Variants in CCL25 observed in about 807,000 individuals in gnomAD.
CCL25 encodes C-C motif chemokine ligand 25, also known as C-C motif chemokine 25.
A neutral mutation model predicts 19.9 loss-of-function variants in CCL25; 14 were observed. The observed-to-expected ratio is 0.70, with a 90% confidence interval of 0.47 to 1.10. The LOEUF (loss-of-function observed/expected upper bound fraction) is 1.10, where lower values mean the gene tolerates loss of function less well. Among genes scored for constraint, CCL25 ranks in the 50% least tolerant of loss-of-function variants. CCL25 has a pLI of 0.00. For missense variants in CCL25, 151 were observed against 181.2 expected, an observed-to-expected ratio of 0.83 and a Z score of 0.96; for synonymous variants, 68 against 73.2, an observed-to-expected ratio of 0.93 and a Z score of 0.36.
At chr19:8,060,642 C>A (rs2081311154) in intron 5 of CCL25, among the ~76,000 whole-genome samples, 1 of 151,682 alleles carries the variant, frequency 6.6e-6, no homozygotes, top group African/African-American at 2.4e-5. Flanking sequence ...CTCAGCCTCC[C>A]GAGTAGCTGG....
In CCL25 at chr19:8,052,790, C is replaced by T. The variant is rs562319848; in HGVS notation, c.-83C>T. The T allele has an allele frequency of 2.9e-5, 13 of 441,912 alleles. No homozygotes were observed. The highest frequency in any genetic ancestry group is 1.4e-4 in the East Asian group (4 of 28,832). The allele number at this position is 441,912 out of a possible 1,614,324, so 27.4% of individuals were successfully genotyped here. Reference sequence around the variant, plus strand: ...TGGGACAGCTTGGCCTACAGCCCGGCGGGCATCAGCTCCCTTGACCCAGTG... The same window carrying T: ...TGGGACAGCTTGGCCTACAGCCCGGTGGGCATCAGCTCCCTTGACCCAGTG... On this transcript the variant is annotated 5_prime_UTR_variant, in exon 1 of 6. Coordinates refer to ENST00000315626, the MANE Select transcript of CCL25 (RefSeq NM_005624.4).
chr19:8,055,087 A>G (rs963677556), intron 2 of CCL25, among the ~76,000 whole-genome samples: 10 of 151,188 alleles, frequency 6.6e-5, no homozygotes, highest in Admixed American at 2.0e-4. Flanking sequence ...TCAAGAGATC[A>G]AGACCATCCT....
intron 5 of CCL25, among the ~76,000 whole-genome samples, chr19:8,058,411 T>TATATATAATATATAAGTAA (rs1394755727): frequency 1.2e-5 from 1 of 82,124 alleles, no homozygotes. Context: ...AATATATAAA[T>TATATATAATATATAAGTAA]ATATATAATA....
At chr19:8,058,592 TATAA>T (rs2081292110) in intron 5 of CCL25, among the ~76,000 whole-genome samples, 1 of 129,056 alleles carries the variant, frequency 7.7e-6, no homozygotes, top group African/African-American at 2.9e-5. Flanking sequence ...ATATATAATA[TATAA>T]ATAATATATA....
chr19:8,054,338 C>G (rs1161882756), intron 2 of CCL25, among the ~76,000 whole-genome samples: 2 of 152,228 alleles, frequency 1.3e-5, no homozygotes, highest in Non-Finnish European at 2.9e-5. Flanking sequence ...GCCCTTCGAT[C>G]CTGGCCTCCA....
chr19:8,056,652 A>C lies in CCL25; in HGVS notation c.325+153A>C, dbSNP rs531636208. Among the ~76,000 whole-genome samples the C allele has an allele frequency of 1.5e-4, 23 of 152,362 alleles. No homozygotes were observed. In the East Asian group the frequency reaches 3.5e-3, roughly 23 times the overall value. ...GCCAGTTGCTGGTGAGTGGGGCACC[A>C]AGTGAATGACCAACTGATTGAGTCA... On this transcript the variant is annotated intron_variant, in intron 4 of 5. Transcript: ENST00000315626.
At chr19:8,052,871 G>C (rs2081241816) in intron 1 of CCL25, 49 bp downstream of exon 1, 1 of 537,686 alleles carries the variant, frequency 1.9e-6, no homozygotes, top group African/African-American at 1.9e-5. Context: ...TTTCCCTCCA[G>C]CACAACTTGT....
intron 4 of CCL25, 96 bp from the exon 5 acceptor site, chr19:8,057,705 C>T: frequency 6.8e-7 from 1 of 1,461,440 alleles, no homozygotes; most frequent in African/African-American, 1.4e-5. Context: ...GACTCATTGG[C>T]TTAAATAACC....
intron 2 of CCL25, among the ~76,000 whole-genome samples, chr19:8,054,277 G>C (rs977979112): frequency 6.6e-6 from 1 of 152,232 alleles, no homozygotes; most frequent in African/African-American, 2.4e-5. Flanking sequence ...GCCTGGGAAG[G>C]GGGTTGGGCT....
At chr19:8,053,144 A>G in intron 2 of CCL25, 22 bp downstream of exon 2, 1 of 1,505,614 alleles carries the variant, frequency 6.6e-7, no homozygotes, top group Non-Finnish European at 9.0e-7. Context: ...GGCAATGCCT[A>G]CCACCAAGTG....
intron 2 of CCL25, 119 bp from the exon 3 acceptor site, chr19:8,056,033 G>A (rs753004494): frequency 1.4e-5 from 9 of 659,556 alleles, no homozygotes; most frequent in South Asian, 7.0e-5. Context: ...AGCCTCTGCC[G>A]GGCCTGGAAG....
intron 5 of CCL25, among the ~76,000 whole-genome samples, chr19:8,061,018 C>G (rs550894194): frequency 1.5e-3 from 193 of 124,580 alleles, no homozygotes; most frequent in African/African-American, 5.8e-3. Flanking sequence ...CAGAGTCTCA[C>G]TCTGTCACCC....
At chr19:8,057,495 A>G (rs191934465) in intron 4 of CCL25, among the ~76,000 whole-genome samples, 208 of 152,110 alleles carry the variant, frequency 1.4e-3, no homozygotes, top group Non-Finnish European at 1.3e-3. Context: ...ATGCCTGGGT[A>G]ATTTTTTATT....
chr19:8,058,041 G>A, intron 5 of CCL25, 121 bp downstream of exon 5: 1 of 1,462,330 alleles, frequency 6.8e-7, no homozygotes, highest in East Asian at 2.5e-5. Context: ...AGGTGGTTGT[G>A]CGGTCAGTGC....
At chr19:8,053,386 A>G (rs1196360512) in intron 2 of CCL25, among the ~76,000 whole-genome samples, 3 of 151,998 alleles carry the variant, frequency 2.0e-5, no homozygotes, top group Non-Finnish European at 2.9e-5. Flanking sequence ...GGTGGCTTCC[A>G]GCTGTGGGCA....
rs1031390202 is a variant in CCL25, at chr19:8,056,433, A to G, written c.259A>G (p.Met87Val). The G allele has an allele frequency of 6.2e-7, 1 of 1,614,148 alleles. No individual in the cohort carries two copies. The highest frequency in any genetic ancestry group is 2.2e-5 in the East Asian group (1 of 44,890). The change falls in exon 4 of 6, where the codon ATG becomes GTG. Residue 87 changes from methionine (M) to valine (V), a missense_variant. Coordinates refer to ENST00000315626, the MANE Select transcript of CCL25 (RefSeq NM_005624.4). ...NPKSREVQRA[M>V]KLLDARNKVF... is the part of the protein sequence containing the mutation. ...CAAAAGCAGGGAGGTGCAGAGAGCC[A>G]TGAAGCTCCTGGATGCTCGAAATAA...
intron 4 of CCL25, among the ~76,000 whole-genome samples, chr19:8,057,366 G>T (rs2081280310): frequency 6.6e-6 from 1 of 151,724 alleles, no homozygotes; most frequent in African/African-American, 2.4e-5. Context: ...TTTTACTCTT[G>T]TCACCCAGGC....
intron 2 of CCL25, among the ~76,000 whole-genome samples, chr19:8,054,922 C>T (rs1452900592): frequency 2.0e-5 from 3 of 151,222 alleles, no homozygotes; most frequent in Middle Eastern, 3.2e-3. Flanking sequence ...GGCGTGATCT[C>T]GGCTCACTGC....
At chr19:8,055,525 G>T (rs1458943043) in intron 2 of CCL25, among the ~76,000 whole-genome samples, 3 of 151,664 alleles carry the variant, frequency 2.0e-5, no homozygotes, top group African/African-American at 7.3e-5. Flanking sequence ...TAGTAGAGAC[G>T]GGGTTTCACC....
Sources: gnomAD v4.1 joint callset for allele counts (sites outside exome capture counted in the v4.1 genomes callset) on GRCh38, gnomAD v4.1.1 for gene constraint, MANE v1.5 for transcripts, NCBI Gene and HGNC (gene_info 2026-07-23, HGNC 2026-07-21) for gene names.